The following TANC1 variants were observed in gnomAD, a reference collection of about 807,000 sequenced individuals.
The protein encoded by TANC1 is tetratricopeptide repeat, ankyrin repeat and coiled-coil containing 1.
A neutral mutation model predicts 149.7 loss-of-function variants in TANC1; 77 were observed. That is an observed-to-expected ratio of 0.51 (90% CI 0.43 to 0.62). TANC1 has a LOEUF of 0.62. Ranked by LOEUF, TANC1 falls within the 20% of genes least tolerant of loss-of-function variation. The pLI, the probability that TANC1 is intolerant of heterozygous loss-of-function variation, is 0.00. For missense variants in TANC1, 1,985 were observed against 2,321.8 expected (o/e 0.85, Z 2.98); for synonymous variants, 854 against 925.0 (o/e 0.92, Z 1.39).
At chr2:159,182,029 G>A (rs2056539052) in intron 14 of TANC1, among the ~76,000 whole-genome samples, 1 of 151,926 alleles carries the variant, frequency 6.6e-6, no homozygotes, top group Non-Finnish European at 1.5e-5. Flanking sequence ...GGTGAACCCA[G>A]TCTCTACTAA....
At chr2:159,015,897 A>G (rs2038219408) in intron 2 of TANC1, among the ~76,000 whole-genome samples, 1 of 152,166 alleles carries the variant, frequency 6.6e-6, no homozygotes, top group Non-Finnish European at 1.5e-5. Flanking sequence ...GGTCAAAGCC[A>G]TTCAACAAGT....
chr2:159,019,653 G>GTT (rs55746240), intron 2 of TANC1, among the ~76,000 whole-genome samples: 1,301 of 73,182 alleles, frequency 0.018, 199 homozygotes, highest in Non-Finnish European at 0.022. Context: ...CTTTCTTTCT[G>GTT]TTTTTTTTTT....
chr2:159,043,320 C>A (rs556034716), intron 2 of TANC1, among the ~76,000 whole-genome samples: 1 of 151,996 alleles, frequency 6.6e-6, no homozygotes, highest in Non-Finnish European at 1.5e-5. Context: ...GAGGAACTTA[C>A]GGGCATCCCT....
intron 16 of TANC1, among the ~76,000 whole-genome samples, chr2:159,192,989 C>T (rs10194907): frequency 0.034 from 5,139 of 152,308 alleles, 118 homozygotes; most frequent in African/African-American, 0.065. Context: ...TTAAGAAACA[C>T]ATAAAAGGAA....
chr2:159,027,733 A>G (rs923375534), intron 2 of TANC1, among the ~76,000 whole-genome samples: 2 of 151,878 alleles, frequency 1.3e-5, no homozygotes, highest in African/African-American at 2.4e-5. Flanking sequence ...CTTGGTACCA[A>G]TTTTCAGTCT....
At chr2:159,157,964 A>G (rs1332110604) in intron 7 of TANC1, among the ~76,000 whole-genome samples, 1 of 152,102 alleles carries the variant, frequency 6.6e-6, no homozygotes, top group East Asian at 1.9e-4. Flanking sequence ...TCCTCTCAAA[A>G]TGCGTATTTT....
intron 2 of TANC1, among the ~76,000 whole-genome samples, chr2:159,017,695 AATAT>A (rs70994255): frequency 1.4e-5 from 2 of 138,938 alleles, no homozygotes; most frequent in Non-Finnish European, 3.0e-5. Context: ...ACAACAACAA[AATAT>A]ATATATATAT....
intron 3 of TANC1, among the ~76,000 whole-genome samples, chr2:159,090,988 G>A (rs966266129): frequency 6.6e-6 from 1 of 152,046 alleles, no homozygotes; most frequent in Non-Finnish European, 1.5e-5. Flanking sequence ...TAATTAACCA[G>A]CCGGCATGAA....
At chr2:159,162,567 A>G (rs948696156) in intron 7 of TANC1, among the ~76,000 whole-genome samples, 1 of 152,150 alleles carries the variant, frequency 6.6e-6, no homozygotes, top group Non-Finnish European at 1.5e-5. Flanking sequence ...TTTTGCCAAG[A>G]TGTTTACAAA....
intron 2 of TANC1, chr2:159,027,184 T>C (rs949786617): frequency 6.6e-6 from 1 of 152,194 alleles, no homozygotes; most frequent in Non-Finnish European, 1.5e-5. Context: ...AGTTTTGAAG[T>C]CTTCCCATTC....
chr2:159,216,628 G>A (rs1374754036), intron 19 of TANC1, among the ~76,000 whole-genome samples: 2 of 152,180 alleles, frequency 1.3e-5, no homozygotes, highest in Admixed American at 6.5e-5. Flanking sequence ...ACGGGAGGGT[G>A]TCGTGAGTAC....
intron 2 of TANC1, among the ~76,000 whole-genome samples, chr2:159,054,486 C>T (rs1423561384): frequency 6.6e-6 from 1 of 152,104 alleles, no homozygotes; most frequent in Non-Finnish European, 1.5e-5. Context: ...TAACCTTGTT[C>T]AGCAAGTGGA....
At chr2:159,018,078 G>T (rs990356789) in intron 2 of TANC1, among the ~76,000 whole-genome samples, 28 of 152,142 alleles carry the variant, frequency 1.8e-4, no homozygotes, top group Non-Finnish European at 2.2e-4. Context: ...TTCAAAGGCA[G>T]CCAGTTACAT....
intron 19 of TANC1, among the ~76,000 whole-genome samples, chr2:159,213,474 GCT>G (rs1482420661): frequency 2.0e-5 from 3 of 151,434 alleles, no homozygotes; most frequent in Admixed American, 6.6e-5. Context: ...ATACCATTCT[GCT>G]AATGGTATTT....
chr2:159,141,434 G>T (rs933927322), intron 5 of TANC1, among the ~76,000 whole-genome samples: 2 of 152,226 alleles, frequency 1.3e-5, no homozygotes, highest in Non-Finnish European at 2.9e-5. Flanking sequence ...GTTCAGTGAA[G>T]AAGAGGTGGT....
intron 19 of TANC1, among the ~76,000 whole-genome samples, chr2:159,201,728 C>T (rs1363378631): frequency 6.6e-6 from 1 of 152,174 alleles, no homozygotes; most frequent in Non-Finnish European, 1.5e-5. Flanking sequence ...AAACTGGAAG[C>T]TTTGTGTGGA....
Position 159,097,743 on chromosome 2 carries a change from G to T in TANC1, c.168G>T (p.Leu56Phe), listed in dbSNP as rs1276660812. The T allele has an allele frequency of 6.2e-7, 1 of 1,614,074 alleles. No homozygotes were observed. Among genetic ancestry groups the T allele is most frequent in the Admixed American group, 1.7e-5 (1 of 60,008 alleles). Residue 56 changes from leucine to phenylalanine, a missense_variant, in exon 4 of 27, where the codon TTG becomes TTT. Around this residue, in one of 3 missense-constraint regions of TANC1, gnomAD observed 557 missense variants for 612.9 expected, o/e 0.91. Coordinates refer to ENST00000263635, the MANE Select transcript of TANC1 (RefSeq NM_033394.3). ...CAGAGGACACCTATAGGGTGAGCTT[G>T]GCCAAAGGTGTCTCGATGTCTCTGC... ...PTAEDTYRVS[L>F]AKGVSMSLPS...
chr2:159,120,727 C>T (rs2048764329), intron 4 of TANC1, among the ~76,000 whole-genome samples: 1 of 152,156 alleles, frequency 6.6e-6, no homozygotes, highest in Non-Finnish European at 1.5e-5. Context: ...CCACCTCAGC[C>T]TCCCAAGTAG....
intron 19 of TANC1, among the ~76,000 whole-genome samples, chr2:159,213,487 A>G (rs1398352349): frequency 6.6e-6 from 1 of 151,448 alleles, no homozygotes; most frequent in Non-Finnish European, 1.5e-5. Flanking sequence ...AATGGTATTT[A>G]TGTCAGTTTT....
Sources: allele counts gnomAD v4.1 joint callset (sites outside exome capture counted in the v4.1 genomes callset), GRCh38; gene constraint gnomAD v4.1.1; regional missense constraint gnomAD v4.1.1; transcripts MANE v1.5; gene names NCBI Gene and HGNC (gene_info 2026-07-23, HGNC 2026-07-21).